Variants in MEG3 observed in about 807,000 individuals in gnomAD.
MEG3 encodes the protein Very putative protein from MEG3 locus.
At chr14:100,852,047 G>A (rs1027174503) in intron 3 of MEG3, 2 of 280,830 alleles carry the variant, frequency 7.1e-6, no homozygotes, top group Middle Eastern at 1.3e-3. Flanking sequence ...GCACAGCTTG[G>A]ATGGACTCAG....
intron 1 of MEG3, chr14:100,860,403 G>T (rs1385485614): frequency 3.0e-6 from 1 of 334,666 alleles, no homozygotes; most frequent in Non-Finnish European, 5.9e-6. Flanking sequence ...GAAACCAGAG[G>T]TTGCCAGTTG....
In MEG3 at chr14:100,845,728, GC is replaced by G; in HGVS notation, n.3121+200del. On this transcript the variant is annotated intron_variant and non_coding_transcript_variant, in intron 3 of 3. Transcript: ENST00000398461. The surrounding 1 kb of genome is among the most constrained non-coding windows in gnomAD (Gnocchi z 5.2). ...GGGGCTCCTGTTTTCTAAGACAGGA[GC>G]CCCCTGCCTCCTTGTGTTGTCTCTG... 1 of 233,022 alleles carries G rather than the reference GC, an allele frequency of 4.3e-6. No homozygotes were observed. Among genetic ancestry groups the G allele is most frequent in the African/African-American group, 2.3e-5 (1 of 43,096 alleles). 14.4% of individuals were successfully genotyped at this position (233,022 alleles called of 1,614,324 possible). A position where few individuals can be genotyped will look rare whatever the true frequency, so the allele number is the denominator to read the frequency against.
At chr14:100,842,597 A>C (rs747954502) in intron 2 of MEG3, among the ~76,000 whole-genome samples, 11 of 152,198 alleles carry the variant, frequency 7.2e-5, no homozygotes, top group Non-Finnish European at 1.3e-4. Context: ...GATCTGAGGC[A>C]AGACTGATTA....
intron 2 of MEG3, among the ~76,000 whole-genome samples, chr14:100,841,584 G>A (rs568373463): frequency 6.6e-6 from 1 of 152,356 alleles, no homozygotes; most frequent in East Asian, 1.9e-4. Context: ...GCCGGCAGCA[G>A]GCCCTGGAGG....
At chr14:100,849,689 G>A (rs2038013355) in intron 3 of MEG3, 1 of 152,150 alleles carries the variant, frequency 6.6e-6, no homozygotes, top group Non-Finnish European at 1.5e-5. Context: ...GATCTGTTAG[G>A]ATTAGTCATA....
Position 100,845,258 on chromosome 14 carries a change from G to A in MEG3, n.3046-200G>A, listed in dbSNP as rs142385645. 1.9e-3 allele frequency among the ~76,000 whole-genome samples: 294 copies of A among 152,300 alleles called. 2 individuals are homozygous for A. In the East Asian group the frequency reaches 0.023, roughly 12 times the overall value. Reference sequence around the variant, plus strand: ...CCATGTCTCCACACCTGCCCCTTCCGCTCCATAGGCAGCTGGTGGGTGAGT... The same window carrying A: ...CCATGTCTCCACACCTGCCCCTTCCACTCCATAGGCAGCTGGTGGGTGAGT... On this transcript the variant is annotated intron_variant and non_coding_transcript_variant, in intron 2 of 3. Transcript: ENST00000398461. This position sits in a 1 kb window ranked among gnomAD's most constrained non-coding sequence, Gnocchi z 5.2.
In MEG3 at chr14:100,845,408, G is replaced by C; in HGVS notation, n.3046-50G>C. The C allele has an allele frequency of 2.3e-6, 1 of 442,506 alleles. No individual in the cohort carries two copies. Among genetic ancestry groups the C allele is most frequent in the Non-Finnish European group, 4.6e-6 (1 of 219,366 alleles). 27.4% of individuals were successfully genotyped at this position (442,506 alleles called of 1,614,324 possible). On this transcript the variant is annotated intron_variant and non_coding_transcript_variant, in intron 2 of 3. Coordinates refer to the MEG3 transcript ENST00000398461. This position sits in a 1 kb window ranked among gnomAD's most constrained non-coding sequence, Gnocchi z 5.2. ...GTCCTCATCCGCCCTCCTCCTCCTC[G>C]CCGGCCTGAGTGAGGTTCTACTCTG...
chr14:100,855,703 A>G (rs577552371), upstream of MEG3: 1 of 152,356 alleles, frequency 6.6e-6, no homozygotes, highest in East Asian at 1.9e-4. Flanking sequence ...AGCCAGTGCT[A>G]TACTAGAGCT....
chr14:100,852,470 C>T (rs541889892), upstream of MEG3: 9 of 526,896 alleles, frequency 1.7e-5, 2 homozygotes, highest in South Asian at 1.1e-4. Flanking sequence ...GGTGCTGGGG[C>T]CTCAGGGGTC....
At chr14:100,829,874 A>G (rs2037349131), downstream of MEG3, 1 of 152,204 alleles carries the variant, frequency 6.6e-6, no homozygotes, top group Non-Finnish European at 1.5e-5. Context: ...ATGTGTATGT[A>G]AACGAGGCAG....
chr14:100,843,833 GTTTTTTTTTTTT>G (rs11307044), intron 2 of MEG3, among the ~76,000 whole-genome samples: 1 of 70,732 alleles, frequency 1.4e-5, no homozygotes, highest in Admixed American at 1.6e-4. Flanking sequence ...CCCGGGACCT[GTTTTTTTTTTTT>G]TTTTTTTTTT....
chr14:100,855,640 C>T (rs1189378554), upstream of MEG3: 4 of 152,236 alleles, frequency 2.6e-5, no homozygotes, highest in African/African-American at 9.7e-5. Flanking sequence ...ATCCATTCAT[C>T]CCTTCATCCC....
exon 1 of MEG3, chr14:100,857,859 A>T (rs2038287923): frequency 2.6e-5 from 4 of 152,142 alleles, no homozygotes; most frequent in Admixed American, 2.6e-4. Flanking sequence ...GAGGATGAGG[A>T]AGGGGTTCTG....
upstream of MEG3, chr14:100,852,273 G>T: frequency 1.9e-6 from 1 of 516,732 alleles, no homozygotes. Flanking sequence ...TGGGGTTATA[G>T]ACAGGATATG....
intron 1 of MEG3, among the ~76,000 whole-genome samples, chr14:100,828,414 T>A (rs2037309002): frequency 7.0e-6 from 1 of 143,506 alleles, no homozygotes; most frequent in African/African-American, 2.6e-5. Flanking sequence ...CCCCTCCTAT[T>A]TTTCTTCTCC....
At position 100,845,483 on chromosome 14, in the gene MEG3, G is replaced by T. The variant is rs1024738392; in HGVS notation, n.3071G>T. The stretch of plus-strand genomic sequence containing the variant: ...CGGAAGCCATCACCTGGATGCCTAC[G>T]TGGGAAGGGACCTCGAATGTGGGAC... On this transcript the variant is annotated non_coding_transcript_exon_variant, in exon 3 of 4. Transcript: ENST00000398461. The surrounding 1 kb of genome is among the most constrained non-coding windows in gnomAD (Gnocchi z 5.2). 4.4e-6 allele frequency: 2 copies of T among 456,788 alleles called. No homozygotes were observed. Among genetic ancestry groups the T allele is most frequent in the Non-Finnish European group, 8.8e-6 (2 of 226,988 alleles). The allele number at this position is 456,788 out of a possible 1,614,324, so 28.3% of individuals were successfully genotyped here. A position where few individuals can be genotyped will look rare whatever the true frequency, so the allele number is the denominator to read the frequency against.
chr14:100,845,649 GGGTCTGTGCACCGGGA>G lies in MEG3; in HGVS notation n.3121+120_3121+135del. The G allele has an allele frequency of 2.7e-6, 1 of 372,652 alleles. No homozygotes were observed. The highest frequency in any genetic ancestry group is 7.9e-5 in the East Asian group (1 of 12,724). The allele number at this position is 372,652 out of a possible 1,614,324, so 23.1% of individuals were successfully genotyped here. On this transcript the variant is annotated intron_variant and non_coding_transcript_variant, in intron 3 of 3. Coordinates refer to the MEG3 transcript ENST00000398461. The surrounding 1 kb of genome is among the most constrained non-coding windows in gnomAD (Gnocchi z 5.2). ...GGAGGGGCTGGCGGGCACTGGCCGG[GGGTCTGTGCACCGGGA>G]GGTGGGTGCCCATCGAGTCAAGCCA...
At chr14:100,851,001 A>G (rs962568974) in intron 3 of MEG3, 1 of 152,564 alleles carries the variant, frequency 6.6e-6, no homozygotes, top group Non-Finnish European at 1.5e-5. Context: ...TGTCACATGC[A>G]CTTGCCCTGG....
rs1265221537 is a variant in MEG3 at position 100,845,832 on chromosome 14, T to C, written n.3121+299T>C. ...CTTCTTTTTCACTCTTCTAAATGAA[T>C]GGCTCTTTCATTATTGAGTCTCCCT... On this transcript the variant is annotated intron_variant and non_coding_transcript_variant, in intron 3 of 3. Coordinates refer to the MEG3 transcript ENST00000398461. This position sits in a 1 kb window ranked among gnomAD's most constrained non-coding sequence, Gnocchi z 5.2. 5.1e-6 allele frequency: 1 copy of C among 196,198 alleles called. No homozygotes were observed. The highest frequency in any genetic ancestry group is 7.4e-5 in the South Asian group (1 of 13,440). The allele number at this position is 196,198 out of a possible 1,614,324, so 12.2% of individuals were successfully genotyped here. A position where few individuals can be genotyped will look rare whatever the true frequency, so the allele number is the denominator to read the frequency against.
Sources: gnomAD v4.1 joint callset for allele counts (sites outside exome capture counted in the v4.1 genomes callset) on GRCh38, gnomAD v4.1.1 for gene constraint, Gnocchi (gnomAD v3.1) non-coding constraint, MANE v1.5 for transcripts, NCBI Gene and HGNC (gene_info 2026-07-23, HGNC 2026-07-21) for gene names.